The following CUX1 variants were observed in gnomAD, a reference collection of about 807,000 sequenced individuals.
CUX1 encodes the protein cut like homeobox 1.
A neutral mutation model predicts 158.8 loss-of-function variants in CUX1; 31 were observed. That is an observed-to-expected ratio of 0.20 (90% CI 0.15 to 0.26). CUX1 has a LOEUF of 0.26. Among genes scored for constraint, CUX1 ranks in the 10% least tolerant of loss-of-function variants. CUX1 has a pLI of 1.00. For synonymous variants in CUX1, 879 were observed against 862.1 expected (o/e 1.02, Z -0.34); for missense variants, 1,589 against 2,014.6 (o/e 0.79, Z 4.04).
At chr7:101,974,730 C>T (rs1812429006) in intron 2 of CUX1, among the ~76,000 whole-genome samples, 1 of 152,068 alleles carries the variant, frequency 6.6e-6, no homozygotes, top group Admixed American at 6.6e-5. Context: ...GCGTGAGGGG[C>T]TTTCATTCAT....
intron 3 of CUX1, among the ~76,000 whole-genome samples, chr7:102,044,574 G>A (rs1241944909): frequency 1.3e-5 from 2 of 152,026 alleles, no homozygotes; most frequent in African/African-American, 2.4e-5. Flanking sequence ...TCTTAAGATT[G>A]TACATGCTTT....
At chr7:101,956,480 T>C (rs1008321847) in intron 2 of CUX1, among the ~76,000 whole-genome samples, 4 of 152,008 alleles carry the variant, frequency 2.6e-5, no homozygotes, top group Admixed American at 6.6e-5. Context: ...AAAAAAAAAA[T>C]CAGATGGATT....
chr7:102,157,600 C>T (rs1455422702), intron 8 of CUX1, among the ~76,000 whole-genome samples: 2 of 152,076 alleles, frequency 1.3e-5, no homozygotes, highest in East Asian at 1.9e-4. Flanking sequence ...GCCAACATGG[C>T]AAAACCTTGT....
intron 6 of CUX1, among the ~76,000 whole-genome samples, chr7:102,109,503 G>T (rs1403278959): frequency 6.6e-6 from 1 of 152,148 alleles, no homozygotes. Context: ...AAGAAAAGTG[G>T]CCAGGCGAGG....
intron 20 of CUX1, among the ~76,000 whole-genome samples, chr7:102,220,339 C>G (rs1178512800): frequency 2.6e-5 from 4 of 152,184 alleles, no homozygotes; most frequent in African/African-American, 9.6e-5. Flanking sequence ...CCAGCCTGGG[C>G]AGCAGAGTGA....
chr7:101,910,032 G>A (rs1803241527), intron 1 of CUX1, among the ~76,000 whole-genome samples: 1 of 152,172 alleles, frequency 6.6e-6, no homozygotes, highest in African/African-American at 2.4e-5. Context: ...CGATTCTCCT[G>A]CCTCAGCCTC....
At chr7:101,868,078 C>T (rs1358227169) in intron 1 of CUX1, among the ~76,000 whole-genome samples, 1 of 152,188 alleles carries the variant, frequency 6.6e-6, no homozygotes. Flanking sequence ...AACTCCCGGC[C>T]TCAAGCGATC....
chr7:102,266,779 G>A (rs1400087962), intron 14 of CUX1, among the ~76,000 whole-genome samples: 2 of 152,154 alleles, frequency 1.3e-5, no homozygotes, highest in African/African-American at 2.4e-5. Context: ...GGCAATGTGC[G>A]GAGGTCATTA....
At chr7:102,263,213 C>T (rs896126760), downstream of CUX1, among the ~76,000 whole-genome samples, 2 of 149,776 alleles carry the variant, frequency 1.3e-5, no homozygotes, top group Admixed American at 1.3e-4. Flanking sequence ...AGGGGTTTCA[C>T]CACATTGGCC....
intron 3 of CUX1, among the ~76,000 whole-genome samples, chr7:102,061,014 T>C (rs1824808372): frequency 7.4e-6 from 1 of 135,144 alleles, no homozygotes; most frequent in Non-Finnish European, 1.5e-5. Context: ...AACCTCCGCC[T>C]CCAGGGTTCC....
At position 102,252,055 on chromosome 7, in the gene CUX1, TG is replaced by T. The variant is rs1471506859; in HGVS notation, c.*3014del. The T allele has an allele frequency of 1.0e-6, 1 of 985,334 alleles. No individual in the cohort carries two copies. Among genetic ancestry groups the T allele is most frequent in the Non-Finnish European group, 1.2e-6 (1 of 829,946 alleles). The allele number at this position is 985,334 out of a possible 1,614,324, so 61.0% of individuals were successfully genotyped here. A position where few individuals can be genotyped will look rare whatever the true frequency, so the allele number is the denominator to read the frequency against. On this transcript the variant is annotated 3_prime_UTR_variant, in exon 24 of 24. Coordinates refer to ENST00000292535, the MANE Select transcript of CUX1 (RefSeq NM_181552.4). Reference sequence around the variant, plus strand: ...TCTTTTTTGCCAGACTTACATCTGGTGCCAGATACAATCAGTTGGTTAAATT... The same window carrying T: ...TCTTTTTTGCCAGACTTACATCTGGTCCAGATACAATCAGTTGGTTAAATT...
At chr7:102,283,664 C>G (rs1443718747) in exon 23 of CUX1, 1 of 152,862 alleles carries the variant, frequency 6.5e-6, no homozygotes, top group Non-Finnish European at 1.5e-5. Context: ...CCCCAGCCAG[C>G]GGAACAGTTT....
At chr7:101,932,734 C>T (rs967730794) in intron 2 of CUX1, 1 of 393,288 alleles carries the variant, frequency 2.5e-6, no homozygotes, top group Non-Finnish European at 5.2e-6. Flanking sequence ...TAAATGATTG[C>T]TTTGCCGCCA....
chr7:102,268,254 C>T (rs1023612513), intron 14 of CUX1, among the ~76,000 whole-genome samples: 1 of 152,252 alleles, frequency 6.6e-6, no homozygotes, highest in Non-Finnish European at 1.5e-5. Flanking sequence ...ACACTCTATG[C>T]TTCTCAAGAT....
intron 1 of CUX1, among the ~76,000 whole-genome samples, chr7:101,905,250 A>C (rs1036719362): frequency 6.6e-6 from 1 of 152,160 alleles, no homozygotes; most frequent in African/African-American, 2.4e-5. Flanking sequence ...ACCCAGGAAA[A>C]GCACTATGAT....
At chr7:101,859,784 G>A (rs1002911867) in intron 1 of CUX1, among the ~76,000 whole-genome samples, 4 of 151,982 alleles carry the variant, frequency 2.6e-5, no homozygotes, top group African/African-American at 9.7e-5. Flanking sequence ...TAAGATCCTA[G>A]CAGAAGGTTG....
At chr7:102,181,963 A>T (rs1793132998) in intron 11 of CUX1, among the ~76,000 whole-genome samples, 1 of 152,238 alleles carries the variant, frequency 6.6e-6, no homozygotes, top group Non-Finnish European at 1.5e-5. Context: ...GCCATGGGGA[A>T]CCCTGCCCCC....
At chr7:102,283,013 T>A in intron 22 of CUX1, 1 of 1,607,138 alleles carries the variant, frequency 6.2e-7, no homozygotes. Flanking sequence ...GCTTCCCGTG[T>A]CCCCCAGGTT....
At chr7:102,030,263 C>G (rs575464620) in intron 3 of CUX1, among the ~76,000 whole-genome samples, 1 of 152,110 alleles carries the variant, frequency 6.6e-6, no homozygotes, top group Non-Finnish European at 1.5e-5. Flanking sequence ...CCGCCCGCTT[C>G]GACCTCCCAA....
Sources: allele counts gnomAD v4.1 joint callset (sites outside exome capture counted in the v4.1 genomes callset), GRCh38; gene constraint gnomAD v4.1.1; transcripts MANE v1.5; gene names NCBI Gene and HGNC (gene_info 2026-07-23, HGNC 2026-07-21).